The following CEP112 variants were observed in gnomAD, a reference collection of about 807,000 sequenced individuals.
CEP112 encodes the protein centrosomal protein of 112 kDa.
In CEP112, 127 loss-of-function variants were observed where a neutral mutation model predicts 153.0. The observed-to-expected ratio is 0.83, with a 90% CI of 0.72 to 0.96. CEP112 has a LOEUF of 0.96. Among genes scored for constraint, CEP112 ranks in the 40% least tolerant of loss-of-function variants. The pLI is 0.00. For missense variants in CEP112, 1,089 were observed against 1,101.2 expected, an observed-to-expected ratio of 0.99 and a Z score of 0.16; for synonymous variants, 358 against 374.4, an observed-to-expected ratio of 0.96 and a Z score of 0.51.
intron 20 of CEP112, among the ~76,000 whole-genome samples, chr17:65,859,266 C>T (rs2058222875): frequency 6.6e-6 from 1 of 151,236 alleles, no homozygotes; most frequent in South Asian, 2.1e-4. Flanking sequence ...CATGGCAAAA[C>T]CCGTCTCTAC....
At chr17:66,184,972 C>G (rs2072867368) in intron 1 of CEP112, among the ~76,000 whole-genome samples, 1 of 152,070 alleles carries the variant, frequency 6.6e-6, no homozygotes, top group East Asian at 1.9e-4. Context: ...GTGAAAGAAG[C>G]CCTTCTCAAA....
At chr17:66,032,665 TTTA>T (rs1246361361) in intron 12 of CEP112, among the ~76,000 whole-genome samples, 1 of 152,220 alleles carries the variant, frequency 6.6e-6, no homozygotes, top group Non-Finnish European at 1.5e-5. Context: ...ATCCACAGCC[TTTA>T]TTATTTTTTG....
At chr17:66,047,042 C>G (rs1262972089) in intron 12 of CEP112, among the ~76,000 whole-genome samples, 1 of 152,106 alleles carries the variant, frequency 6.6e-6, no homozygotes, top group Non-Finnish European at 1.5e-5. Flanking sequence ...CCACAGCAGC[C>G]CTAGGAAATC....
At chr17:65,814,641 G>T (rs955200864) in intron 21 of CEP112, among the ~76,000 whole-genome samples, 4 of 152,132 alleles carry the variant, frequency 2.6e-5, no homozygotes, top group Admixed American at 1.3e-4. Context: ...TCTCCCCAAA[G>T]ATAGCACAGG....
chr17:66,108,510 A>T (rs2068881651), intron 6 of CEP112, among the ~76,000 whole-genome samples: 1 of 152,240 alleles, frequency 6.6e-6, no homozygotes, highest in Admixed American at 6.5e-5. Flanking sequence ...ACATATGACA[A>T]GATGTTTAAC....
At chr17:65,826,210 G>A in intron 21 of CEP112, 2 of 1,614,150 alleles carry the variant, frequency 1.2e-6, no homozygotes, top group Middle Eastern at 3.3e-4. Flanking sequence ...CTGTCTTGGG[G>A]ACATTACCAT....
At chr17:65,638,220 G>A (rs1309683293) in intron 25 of CEP112, among the ~76,000 whole-genome samples, 2 of 152,160 alleles carry the variant, frequency 1.3e-5, no homozygotes, top group African/African-American at 4.8e-5. Flanking sequence ...CCTTTACAAA[G>A]CATTTGATTA....
chr17:66,132,229 C>T (rs987702412), intron 5 of CEP112, among the ~76,000 whole-genome samples: 1 of 139,532 alleles, frequency 7.2e-6, no homozygotes, highest in African/African-American at 2.7e-5. Context: ...TCATTAGCAC[C>T]TTGTCCAAAG....
At chr17:66,163,382 T>C (rs2071795755) in intron 4 of CEP112, among the ~76,000 whole-genome samples, 1 of 152,182 alleles carries the variant, frequency 6.6e-6, no homozygotes, top group Non-Finnish European at 1.5e-5. Flanking sequence ...TATTGTTATA[T>C]ACCATCTGCA....
chr17:65,971,635 G>A (rs1280728531), intron 17 of CEP112, among the ~76,000 whole-genome samples: 3 of 149,946 alleles, frequency 2.0e-5, no homozygotes, highest in Non-Finnish European at 1.5e-5. Context: ...CATGCATATT[G>A]CGTTATATTG....
At chr17:66,111,080 C>T (rs1209801240) in intron 6 of CEP112, among the ~76,000 whole-genome samples, 1 of 151,946 alleles carries the variant, frequency 6.6e-6, no homozygotes, top group Non-Finnish European at 1.5e-5. Flanking sequence ...AAGACATACA[C>T]GTGGCCAACA....
At chr17:66,154,936 C>T (rs1169129997) in intron 4 of CEP112, among the ~76,000 whole-genome samples, 3 of 152,118 alleles carry the variant, frequency 2.0e-5, no homozygotes, top group African/African-American at 2.4e-5. Context: ...ACAATTATTG[C>T]CAAAGTGGAT....
intron 6 of CEP112, among the ~76,000 whole-genome samples, chr17:66,103,407 TAG>T (rs1342828084): frequency 6.6e-6 from 1 of 151,908 alleles, no homozygotes. Flanking sequence ...GGTACAAGAT[TAG>T]AAAGTAAAAA....
In CEP112 at chr17:66,028,390, C is replaced by A; in HGVS notation, c.1519G>T (p.Glu507Ter). The change falls in exon 15 of 27, where the codon GAA (glutamate) becomes TAA (stop). Residue 507 changes from glutamate to a stop codon, truncating the protein, a stop_gained. Coordinates refer to ENST00000535342, the MANE Select transcript of CEP112 (RefSeq NM_001199165.4). LOFTEE classifies it high-confidence loss of function. ...TGACAGACATTCTGCTCTAATTCTT[C>A]AATCATACTAGATGCCTACAAGGAT... is the stretch of plus-strand genomic sequence containing the variant. ...LSASKASSMI[E>*]ELEQNVCQLK... The A allele has an allele frequency of 6.3e-7, 1 of 1,581,854 alleles. No individual in the cohort carries two copies. The highest frequency in any genetic ancestry group is 1.7e-4 in the Middle Eastern group (1 of 5,984).
At chr17:65,976,399 C>T (rs1239818733) in intron 17 of CEP112, among the ~76,000 whole-genome samples, 1 of 152,038 alleles carries the variant, frequency 6.6e-6, no homozygotes, top group South Asian at 2.1e-4. Context: ...TTTTTAGGTT[C>T]TACACAAATT....
intron 6 of CEP112, among the ~76,000 whole-genome samples, chr17:66,111,271 G>A (rs2069029828): frequency 6.6e-6 from 1 of 152,204 alleles, no homozygotes; most frequent in Admixed American, 6.5e-5. Flanking sequence ...ATGCAAATTA[G>A]TTCAACCATT....
At chr17:65,937,466 GC>G (rs2061356171) in intron 18 of CEP112, among the ~76,000 whole-genome samples, 1 of 111,026 alleles carries the variant, frequency 9.0e-6, no homozygotes, top group Non-Finnish European at 1.9e-5. Flanking sequence ...CTGCCCGGCC[GC>G]CCCGTCTGAG....
rs190355151 is a variant in CEP112, at chr17:65,886,924, A to G, written c.2163+15228T>C. Among the ~76,000 whole-genome samples, 3 of 152,312 alleles carry G rather than the reference A, an allele frequency of 2.0e-5. No individual in the cohort carries two copies. In the East Asian group the frequency reaches 5.8e-4, roughly 29 times the overall value. On this transcript the variant is annotated intron_variant, in intron 20 of 26. Coordinates refer to ENST00000535342, the MANE Select transcript of CEP112 (RefSeq NM_001199165.4). ...ACTCAAAAAAACGAGCTGGAATACT[A>G]TGTGCAAAATGCTGGGGGACACTCT...
chr17:65,683,934 G>A (rs1211196255), intron 24 of CEP112, among the ~76,000 whole-genome samples: 1 of 152,068 alleles, frequency 6.6e-6, no homozygotes, highest in African/African-American at 2.4e-5. Flanking sequence ...CCAGCTACTC[G>A]GAAGGCTGAG....
Sources: allele counts gnomAD v4.1 joint callset (sites outside exome capture counted in the v4.1 genomes callset), GRCh38; gene constraint gnomAD v4.1.1; transcripts MANE v1.5; gene names NCBI Gene and HGNC (gene_info 2026-07-23, HGNC 2026-07-21).